GBA2: variants seen among roughly 807,000 people sequenced by gnomAD.
The protein encoded by GBA2 is glucosylceramidase beta 2.
Under a neutral mutation model 112.9 loss-of-function variants are expected in GBA2, and 79 were observed. That is an observed-to-expected ratio of 0.70 (90% CI 0.58 to 0.84). The LOEUF (loss-of-function observed/expected upper bound fraction) is 0.84, where lower values mean the gene tolerates loss of function less well. Among genes scored for constraint, GBA2 ranks in the 40% least tolerant of loss-of-function variants. GBA2 has a pLI of 0.00. For synonymous variants in GBA2, 403 were observed against 434.3 expected (o/e 0.93, Z 0.90); for missense variants, 1,043 against 1,190.0 (o/e 0.88, Z 1.82).
intron 12 of GBA2, 39 bp downstream of exon 12, chr9:35,738,713 T>C: frequency 6.2e-7 from 1 of 1,611,242 alleles, no homozygotes; most frequent in Non-Finnish European, 8.5e-7. Flanking sequence ...ACACCAACCA[T>C]ACCCCTGGCA....
rs765733082 is a variant in GBA2, at chr9:35,749,034, C to T, written c.-330G>A. The T allele has an allele frequency of 4.8e-6, 1 of 209,772 alleles. No homozygotes were observed. The highest frequency in any genetic ancestry group is 1.3e-4 in the South Asian group (1 of 7,882). 13.0% of individuals were successfully genotyped at this position (209,772 alleles called of 1,614,324 possible). On this transcript the variant is annotated 5_prime_UTR_variant, in exon 1 of 17. The change creates a new upstream start codon in the 5' untranslated region. Coordinates refer to ENST00000378103, the MANE Select transcript of GBA2 (RefSeq NM_020944.3). This position sits in a 1 kb window ranked among gnomAD's most constrained non-coding sequence, Gnocchi z 4.4. ...GGGGAGGAGCCGCGGGGCCAGCCCACCAGGCACCGCCCCGGGACGGGCCCG... is the reference window on the plus strand; with the variant it reads ...GGGGAGGAGCCGCGGGGCCAGCCCATCAGGCACCGCCCCGGGACGGGCCCG...
Position 35,737,504 on chromosome 9 carries a change from T to A in GBA2, c.2506-57A>T, listed in dbSNP as rs556102001. 1.3e-6 allele frequency: 2 copies of A among 1,586,750 alleles called. No individual in the cohort carries two copies. The highest frequency in any genetic ancestry group is 2.7e-5 in the African/African-American group (2 of 74,178). ...ACTTGGCACCCTCTGAAGAGCCACT[T>A]CCACTGGATAGATGGAGGCAGTAGA... is the stretch of plus-strand genomic sequence containing the variant. On this transcript the variant is annotated intron_variant, in intron 16 of 16. Transcript: ENST00000378103. The surrounding 1 kb of genome is among the most constrained non-coding windows in gnomAD (Gnocchi z 4.1).
rs965754773 is a variant in GBA2, at chr9:35,739,680, C to T, written c.1530G>A (p.Met510Ile). 4 of 1,614,126 alleles carry T rather than the reference C, an allele frequency of 2.5e-6. No homozygotes were observed. Among genetic ancestry groups the T allele is most frequent in the Admixed American group, 3.3e-5 (2 of 60,018 alleles). Reference sequence around the variant, plus strand: ...CCCGTAGGGTGGGGCGGAGGTGACACATGTTTCTGCCCAGCTCCTCTGGTA... The same window carrying T: ...CCCGTAGGGTGGGGCGGAGGTGACATATGTTTCTGCCCAGCTCCTCTGGTA... ...DSLPEELGRN[M>I]CHLRPTLRDY... is the part of the protein sequence containing the mutation. The change falls in exon 9 of 17, where the codon ATG becomes ATA. Residue 510 changes from methionine (M) to isoleucine (I), a missense_variant. Physicochemically the swap from Met to Ile is conservative, Grantham distance 10 (BLOSUM62 1). Coordinates refer to ENST00000378103, the MANE Select transcript of GBA2 (RefSeq NM_020944.3).
rs779409424 is a variant in GBA2, at chr9:35,739,032, T to C, written c.1765A>G (p.Asn589Asp). The C allele has an allele frequency of 1.2e-6, 2 of 1,613,560 alleles. No homozygotes were observed. Residue 589 changes from asparagine to aspartate, a missense_variant, in exon 11 of 17, where the codon AAC becomes GAC. Coordinates refer to ENST00000378103, the MANE Select transcript of GBA2 (RefSeq NM_020944.3). ...SGVMAPVKRR[N>D]VIPHDIGDPD... is the part of the protein sequence containing the mutation. Reference sequence around the variant, plus strand: ...TCCCCAATATCATGGGGGATGACGTTCCTCCTTTTCACAGGTGCCATCACC... The same window carrying C: ...TCCCCAATATCATGGGGGATGACGTCCCTCCTTTTCACAGGTGCCATCACC...
Position 35,740,005 on chromosome 9 carries a change from C to T in GBA2, c.1402G>A (p.Asp468Asn), listed in dbSNP as rs779248937. ...RISAWQSPVL[D>N]DRSLPAWYKS... ...AATGGGCCCCACTGGCACCTGTCAT[C>T]CAATACCGGGCTCTGCCAAGCTGAG... is the stretch of plus-strand genomic sequence containing the variant. Residue 468 changes from aspartate (D) to asparagine (N), a missense_variant, in exon 8 of 17, where the codon GAT becomes AAT. Physicochemically the swap from Asp to Asn is conservative, Grantham distance 23 (BLOSUM62 1). Transcript: ENST00000378103. This position sits in a 1 kb window ranked among gnomAD's most constrained non-coding sequence, Gnocchi z 4.7. The T allele has an allele frequency of 1.9e-6, 3 of 1,614,096 alleles. No homozygotes were observed. The highest frequency in any genetic ancestry group is 1.7e-6 in the Non-Finnish European group (2 of 1,179,978).
Position 35,738,256 on chromosome 9 carries a change from C to T in GBA2, c.2173G>A (p.Ala725Thr), listed in dbSNP as rs1273177779. 6.8e-6 allele frequency: 11 copies of T among 1,614,106 alleles called. No homozygotes were observed. The highest frequency in any genetic ancestry group is 9.3e-6 in the Non-Finnish European group (11 of 1,180,050). ...FSSILSRGQE[A>T]YERLLWNGRY... ...CCATTCCACAGCAGTCTCTCATAGG[C>T]TTCTTGGCCCCGGCTGAGGATAGAA... The change falls in exon 14 of 17, where the codon GCC (alanine) becomes ACC (threonine). Residue 725 changes from alanine (A) to threonine (T), a missense_variant. Transcript: ENST00000378103.
In GBA2 at chr9:35,746,536, A is replaced by G. The variant is rs1180352483; in HGVS notation, c.359+1810T>C. Among the ~76,000 whole-genome samples the G allele has an allele frequency of 1.3e-5, 2 of 152,178 alleles. No homozygotes were observed. Among genetic ancestry groups the G allele is most frequent in the African/African-American group, 2.4e-5 (1 of 41,446 alleles). On this transcript the variant is annotated intron_variant, in intron 1 of 16. Coordinates refer to ENST00000378103, the MANE Select transcript of GBA2 (RefSeq NM_020944.3). This position sits in a 1 kb window ranked among gnomAD's most constrained non-coding sequence, Gnocchi z 5.2. ...AACCCAGGAGACGGAGGTTGCACTG[A>G]GCTGAGATTGCACCATTGTACTCCA...
At chr9:35,745,929 G>T (rs1419231364) in intron 1 of GBA2, among the ~76,000 whole-genome samples, 1 of 152,178 alleles carries the variant, frequency 6.6e-6, no homozygotes, top group African/African-American at 2.4e-5. Context: ...TCTACAAAAT[G>T]GGGATACCAC....
At position 35,737,101 on chromosome 9, in the gene GBA2, G is replaced by T. The variant is rs1167565082; in HGVS notation, c.*68C>A. The T allele has an allele frequency of 1.3e-5, 20 of 1,552,004 alleles. No individual in the cohort carries two copies. The highest frequency in any genetic ancestry group is 1.8e-5 in the Admixed American group (1 of 55,342). On this transcript the variant is annotated 3_prime_UTR_variant, in exon 17 of 17. Transcript: ENST00000378103. This position sits in a 1 kb window ranked among gnomAD's most constrained non-coding sequence, Gnocchi z 4.1. ...ATGGCTCAGGGTTGCAGGAGGTTCA[G>T]AGGGGAAGGAGGAAAGGCCAGGCTG...
Position 35,744,763 on chromosome 9 carries a change from C to G in GBA2, c.360-57G>C, listed in dbSNP as rs1266869853. The G allele has an allele frequency of 4.8e-5, 42 of 873,310 alleles. No individual in the cohort carries two copies. In the East Asian group the frequency reaches 9.7e-4, roughly 20 times the overall value. The allele number at this position is 873,310 out of a possible 1,614,324, so 54.1% of individuals were successfully genotyped here. On this transcript the variant is annotated intron_variant, in intron 1 of 16. Coordinates refer to ENST00000378103, the MANE Select transcript of GBA2 (RefSeq NM_020944.3). ...GGGCAGGTGGGCAGCTGTTCACAGGCTGAGTCACCTGCCTCTCTCTGTGAC... is the reference window on the plus strand; with the variant it reads ...GGGCAGGTGGGCAGCTGTTCACAGGGTGAGTCACCTGCCTCTCTCTGTGAC...
At chr9:35,738,444 T>A (rs761919429) in intron 13 of GBA2, 70 bp from the exon 14 acceptor site, 6 of 1,593,026 alleles carry the variant, frequency 3.8e-6, no homozygotes, top group Non-Finnish European at 5.2e-6. Flanking sequence ...TAATAGACAA[T>A]GAGTCATTCT....
chr9:35,738,293 C>T lies in GBA2; in HGVS notation c.2136G>A (p.Gln712=). The T allele has an allele frequency of 6.2e-7, 1 of 1,614,168 alleles. No homozygotes were observed. The highest frequency in any genetic ancestry group is 8.5e-7 in the Non-Finnish European group (1 of 1,180,006). The part of the protein sequence containing the change: ...MAALCGAQDI[Q]DKFSSILSRG... ...GGCTGAGGATAGAAGAAAACTTATC[C>T]TGGATGTCCTGTGCCCCACACAGAG... is the stretch of plus-strand genomic sequence containing the variant. Residue 712 remains glutamine (Q), a synonymous_variant, in exon 14 of 17, where the codon CAG becomes CAA. Transcript: ENST00000378103.
Position 35,741,247 on chromosome 9 carries a change from G to A in GBA2, c.787-183C>T. The A allele has an allele frequency of 1.6e-6, 1 of 642,018 alleles. No homozygotes were observed. The highest frequency in any genetic ancestry group is 2.6e-6 in the Non-Finnish European group (1 of 379,512). 39.8% of individuals were successfully genotyped at this position (642,018 alleles called of 1,614,324 possible). On this transcript the variant is annotated intron_variant, in intron 4 of 16. Coordinates refer to ENST00000378103, the MANE Select transcript of GBA2 (RefSeq NM_020944.3). This position sits in a 1 kb window ranked among gnomAD's most constrained non-coding sequence, Gnocchi z 4.6. The stretch of plus-strand genomic sequence containing the variant: ...GCCTAGCAGGGAATATAGAAGACCA[G>A]AACCAGTTGGGCGGTGGTTCTGGGA...
chr9:35,744,636 C>G lies in GBA2; in HGVS notation c.430G>C (p.Val144Leu). The G allele has an allele frequency of 6.2e-7, 1 of 1,605,218 alleles. No individual in the cohort carries two copies. The highest frequency in any genetic ancestry group is 8.5e-7 in the Non-Finnish European group (1 of 1,171,958). The change falls in exon 2 of 17, where the codon GTA becomes CTA. Residue 144 changes from valine to leucine, a missense_variant. Physicochemically the swap from Val to Leu is conservative, Grantham distance 32 (BLOSUM62 1). Coordinates refer to ENST00000378103, the MANE Select transcript of GBA2 (RefSeq NM_020944.3). ...KTPFIDMINS[V>L]PLRQIYGCPL... ...TCACCATAAATCTGTCTTAGGGGTA[C>G]AGAATTGATCATGTCGATGAAAGGT...
In GBA2 at chr9:35,746,987, C is replaced by G. The variant is rs1327876278; in HGVS notation, c.359+1359G>C. 1.3e-5 allele frequency among the ~76,000 whole-genome samples: 2 copies of G among 152,186 alleles called. No individual in the cohort carries two copies. The highest frequency in any genetic ancestry group is 1.5e-5 in the Non-Finnish European group (1 of 68,042). On this transcript the variant is annotated intron_variant, in intron 1 of 16. Coordinates refer to ENST00000378103, the MANE Select transcript of GBA2 (RefSeq NM_020944.3). The surrounding 1 kb of genome is among the most constrained non-coding windows in gnomAD (Gnocchi z 5.2). ...ACAGTTCAGCTCCATCTTAGGAGCT[C>G]TCTTACTCCCTTAATATGGTAGCTG...
At chr9:35,739,499 T>C in intron 9 of GBA2, 80 bp from the exon 10 acceptor site, 2 of 1,306,988 alleles carry the variant, frequency 1.5e-6, no homozygotes, top group Non-Finnish European at 2.2e-6. Flanking sequence ...CCTCTAGATT[T>C]AGAGGTGGGG....
chr9:35,748,306 A>G, intron 1 of GBA2, 40 bp downstream of exon 1: 1 of 1,277,164 alleles, frequency 7.8e-7, no homozygotes, highest in Non-Finnish European at 1.1e-6. Context: ...GCTGGAACAA[A>G]GTGAAGCCAA....
Position 35,737,509 on chromosome 9 carries a change from T to A in GBA2, c.2506-62A>T. On this transcript the variant is annotated intron_variant, in intron 16 of 16. Coordinates refer to ENST00000378103, the MANE Select transcript of GBA2 (RefSeq NM_020944.3). The surrounding 1 kb of genome is among the most constrained non-coding windows in gnomAD (Gnocchi z 4.1). Reference sequence around the variant, plus strand: ...GCACCCTCTGAAGAGCCACTTCCACTGGATAGATGGAGGCAGTAGAGTCTT... The same window carrying A: ...GCACCCTCTGAAGAGCCACTTCCACAGGATAGATGGAGGCAGTAGAGTCTT... 6.3e-7 allele frequency: 1 copy of A among 1,580,194 alleles called. No individual in the cohort carries two copies. Among genetic ancestry groups the A allele is most frequent in the South Asian group, 1.1e-5 (1 of 87,562 alleles).
chr9:35,743,648 T>G (rs73438762), intron 3 of GBA2, among the ~76,000 whole-genome samples: 1,924 of 152,210 alleles, frequency 0.013, 29 homozygotes, highest in African/African-American at 0.044. Flanking sequence ...TAGGCAACTC[T>G]AAAGGGGCGG....
Sources: gnomAD v4.1 joint callset for allele counts (sites outside exome capture counted in the v4.1 genomes callset) on GRCh38, gnomAD v4.1.1 for gene constraint, Gnocchi (gnomAD v3.1) non-coding constraint, MANE v1.5 for transcripts, NCBI Gene and HGNC (gene_info 2026-07-23, HGNC 2026-07-21) for gene names.